The following AGBL1 variants were observed in gnomAD, a reference collection of about 807,000 sequenced individuals.
The protein encoded by AGBL1 is cytosolic carboxypeptidase 4.
In AGBL1, 130 loss-of-function variants were observed where a neutral mutation model predicts 118.9. That is an observed-to-expected ratio of 1.09 (90% confidence interval 0.95 to 1.26). The LOEUF (loss-of-function observed/expected upper bound fraction) is 1.26, where lower values mean the gene tolerates loss of function less well. Ranked by LOEUF, AGBL1 falls within the 50% of genes most tolerant of loss-of-function variation. The pLI, the probability that AGBL1 is intolerant of heterozygous loss-of-function variation, is 0.00. For missense variants in AGBL1, 1,584 were observed against 1,298.1 expected (o/e 1.22, Z -3.38); for synonymous variants, 555 against 478.9 (o/e 1.16, Z -2.08).
intron 22 of AGBL1, among the ~76,000 whole-genome samples, chr15:86,876,822 G>A (rs905487251): frequency 6.6e-6 from 1 of 152,064 alleles, no homozygotes; most frequent in Non-Finnish European, 1.5e-5. Context: ...CGTGTACTTT[G>A]GGCTCCCTAA....
chr15:86,475,573 G>T (rs2082546026), intron 18 of AGBL1, among the ~76,000 whole-genome samples: 1 of 152,206 alleles, frequency 6.6e-6, no homozygotes, highest in South Asian at 2.1e-4. Context: ...ACGAGACTAT[G>T]TGAAAAGACC....
intron 22 of AGBL1, among the ~76,000 whole-genome samples, chr15:86,773,091 C>A (rs2078204911): frequency 6.6e-6 from 1 of 151,982 alleles, no homozygotes; most frequent in South Asian, 2.1e-4. Context: ...ATTCTTGATT[C>A]TTGGCTTTTT....
At chr15:86,622,052 G>T (rs942642909) in intron 21 of AGBL1, among the ~76,000 whole-genome samples, 1 of 152,182 alleles carries the variant, frequency 6.6e-6, no homozygotes. Context: ...GGTCAGCCAG[G>T]TGTAGTGGCT....
chr15:86,301,874 C>T (rs1315920454), intron 17 of AGBL1, among the ~76,000 whole-genome samples: 9 of 152,084 alleles, frequency 5.9e-5, no homozygotes, highest in Admixed American at 5.9e-4. Context: ...GCTTTGCTTT[C>T]AAAGAAAGCT....
At chr15:86,136,607 C>T (rs749204573) in intron 1 of AGBL1, among the ~76,000 whole-genome samples, 38 of 152,318 alleles carry the variant, frequency 2.5e-4, no homozygotes, top group Non-Finnish European at 4.9e-4. Context: ...CTTAAGCCTG[C>T]ATCAGCATGA....
chr15:86,264,291 T>C lies in AGBL1; in HGVS notation c.1120T>C (p.Ser374Pro), dbSNP rs755938653. Residue 374 changes from serine (S) to proline (P), a missense_variant, in exon 11 of 23, where the codon TCT (serine) becomes CCT (proline). By Grantham distance (74) the Ser-to-Pro change is moderately conservative. Coordinates refer to ENST00000614907, the MANE Select transcript of AGBL1 (RefSeq NM_001386094.1). ...LQSKLGDDLN[S>P]EKTQYANHHH... is the part of the protein sequence containing the mutation. ...GTCCAAACTTGGAGATGATTTGAACTCTGAAAAGACTCAGTATGCCAATCA... is the reference window on the plus strand; with the variant it reads ...GTCCAAACTTGGAGATGATTTGAACCCTGAAAAGACTCAGTATGCCAATCA... 6.2e-7 allele frequency: 1 copy of C among 1,606,658 alleles called. No individual in the cohort carries two copies. The highest frequency in any genetic ancestry group is 8.5e-7 in the Non-Finnish European group (1 of 1,176,586).
intron 5 of AGBL1, among the ~76,000 whole-genome samples, chr15:86,220,375 G>A (rs537253279): frequency 7.2e-5 from 11 of 152,258 alleles, no homozygotes; most frequent in Admixed American, 7.2e-4. Context: ...AAGATCAAAT[G>A]TGATGTATAA....
intron 18 of AGBL1, among the ~76,000 whole-genome samples, chr15:86,432,076 T>G (rs1475047901): frequency 6.7e-6 from 1 of 148,902 alleles, no homozygotes; most frequent in Non-Finnish European, 1.5e-5. Flanking sequence ...ATCAGGTTTT[T>G]AACTCTGTGG....
chr15:86,634,898 A>ATT (rs143362830), intron 21 of AGBL1, among the ~76,000 whole-genome samples: 2 of 151,834 alleles, frequency 1.3e-5, no homozygotes, highest in African/African-American at 4.8e-5. Flanking sequence ...TCTAAAAGAC[A>ATT]TTTTTTTTCT....
intron 21 of AGBL1, among the ~76,000 whole-genome samples, chr15:86,599,565 G>GATA (rs150878544): frequency 0.035 from 5,357 of 152,162 alleles, 201 homozygotes; most frequent in African/African-American, 0.097. Context: ...TGAATGGATC[G>GATA]ATAAGTGAAT....
At chr15:86,237,075 C>A (rs887044045) in intron 6 of AGBL1, among the ~76,000 whole-genome samples, 1 of 152,070 alleles carries the variant, frequency 6.6e-6, no homozygotes, top group African/African-American at 2.4e-5. Flanking sequence ...CTGGCCAGCC[C>A]AGCTCTAAAA....
chr15:86,832,560 G>A (rs115339078), intron 22 of AGBL1, among the ~76,000 whole-genome samples: 7,062 of 152,264 alleles, frequency 0.046, 549 homozygotes, highest in African/African-American at 0.16. Context: ...GGGGCAAAAT[G>A]TCACCAGTCT....
At chr15:86,837,997 T>C (rs1400378687) in intron 22 of AGBL1, among the ~76,000 whole-genome samples, 2 of 152,192 alleles carry the variant, frequency 1.3e-5, no homozygotes, top group East Asian at 3.9e-4. Context: ...TTTCCTCCAT[T>C]GAATTGCAAT....
At chr15:86,194,001 T>C (rs2077761697) in intron 5 of AGBL1, among the ~76,000 whole-genome samples, 1 of 152,192 alleles carries the variant, frequency 6.6e-6, no homozygotes, top group South Asian at 2.1e-4. Context: ...AGGCAGAATC[T>C]TTGTAGAGTC....
At chr15:86,208,462 A>G (rs891944068) in intron 5 of AGBL1, among the ~76,000 whole-genome samples, 5 of 151,688 alleles carry the variant, frequency 3.3e-5, no homozygotes, top group Non-Finnish European at 7.4e-5. Flanking sequence ...GACTTTTTGG[A>G]TTGGTAGGCT....
intron 5 of AGBL1, among the ~76,000 whole-genome samples, chr15:86,198,169 C>G (rs1224227026): frequency 6.6e-6 from 1 of 152,144 alleles, no homozygotes; most frequent in African/African-American, 2.4e-5. Context: ...ATGCTTGGGA[C>G]TTGTCATCTC....
At chr15:86,661,785 A>G (rs905505740) in intron 21 of AGBL1, among the ~76,000 whole-genome samples, 4 of 152,134 alleles carry the variant, frequency 2.6e-5, no homozygotes, top group South Asian at 2.1e-4. Flanking sequence ...ATCCAAGTAC[A>G]GGGCTCCATA....
intron 18 of AGBL1, among the ~76,000 whole-genome samples, chr15:86,495,158 G>T (rs2082832974): frequency 1.3e-5 from 2 of 149,194 alleles, no homozygotes; most frequent in Non-Finnish European, 3.0e-5. Flanking sequence ...CTCTGTTTCT[G>T]CTTTTGTATT....
chr15:86,995,707 T>A (rs2141750548), intron 24 of AGBL1, among the ~76,000 whole-genome samples: 1 of 152,338 alleles, frequency 6.6e-6, no homozygotes, highest in East Asian at 1.9e-4. Context: ...TACATTAAGA[T>A]TTTAGTTTTT....
Sources: gnomAD v4.1 joint callset for allele counts (sites outside exome capture counted in the v4.1 genomes callset) on GRCh38, gnomAD v4.1.1 for gene constraint, MANE v1.5 for transcripts, NCBI Gene and HGNC (gene_info 2026-07-23, HGNC 2026-07-21) for gene names.